EPHA6: variants seen among roughly 807,000 people sequenced by gnomAD.
The protein encoded by EPHA6 is ephrin type-A receptor 6.
Under a neutral mutation model 112.0 loss-of-function variants are expected in EPHA6, and 50 were observed. The ratio of observed to expected loss-of-function variants is 0.45; its 90% CI spans 0.36 to 0.56. EPHA6 has a LOEUF of 0.56. EPHA6 is among the 20% of genes least tolerant of loss of function. The pLI, the probability that EPHA6 is intolerant of heterozygous loss-of-function variation, is 0.00. For synonymous variants in EPHA6, 529 were observed against 490.7 expected, an observed-to-expected ratio of 1.08 and a Z score of -1.03; for missense variants, 1,280 against 1,417.4, an observed-to-expected ratio of 0.90 and a Z score of 1.56.
chr3:97,139,791 C>T (rs907172210), intron 3 of EPHA6, among the ~76,000 whole-genome samples: 1 of 152,164 alleles, frequency 6.6e-6, no homozygotes, highest in African/African-American at 2.4e-5. Context: ...GTTGCGACAC[C>T]CCCAAAGGAT....
At chr3:97,175,740 G>T (rs1377833860) in intron 3 of EPHA6, among the ~76,000 whole-genome samples, 2 of 151,756 alleles carry the variant, frequency 1.3e-5, no homozygotes, top group Non-Finnish European at 3.0e-5. Context: ...TGTTGAATTT[G>T]TATCCTGCAA....
At chr3:97,011,538 A>G (rs1485384519) in intron 3 of EPHA6, among the ~76,000 whole-genome samples, 2 of 152,166 alleles carry the variant, frequency 1.3e-5, no homozygotes, top group Non-Finnish European at 2.9e-5. Flanking sequence ...ATTAGGAGAC[A>G]TTTCTCAAGG....
chr3:97,204,358 A>G (rs1398569079), intron 3 of EPHA6, among the ~76,000 whole-genome samples: 3 of 152,098 alleles, frequency 2.0e-5, no homozygotes, highest in South Asian at 2.1e-4. Flanking sequence ...AGCACTTACC[A>G]TGTACTAGGG....
intron 3 of EPHA6, among the ~76,000 whole-genome samples, chr3:97,170,363 G>T (rs16838422): frequency 0.056 from 8,587 of 152,100 alleles, 825 homozygotes; most frequent in African/African-American, 0.2. Context: ...TACCTGGGGC[G>T]TAATCTGCAG....
chr3:97,004,008 T>G (rs1197188427), intron 3 of EPHA6, among the ~76,000 whole-genome samples: 2 of 152,160 alleles, frequency 1.3e-5, no homozygotes, highest in African/African-American at 4.8e-5. Context: ...TTCCATGGTG[T>G]ATATAGATAC....
At chr3:97,236,063 A>G (rs1235175725) in intron 4 of EPHA6, among the ~76,000 whole-genome samples, 1 of 151,972 alleles carries the variant, frequency 6.6e-6, no homozygotes, top group Non-Finnish European at 1.5e-5. Context: ...CTCATTAAAT[A>G]TATGCTCTGT....
Position 97,557,919 on chromosome 3 carries a change from C to A in EPHA6, c.2386+25376C>A, listed in dbSNP as rs112049878. Among the ~76,000 whole-genome samples the A allele has an allele frequency of 4.9e-3, 752 of 151,922 alleles. 7 individuals are homozygous for A. Among genetic ancestry groups the A allele is most frequent in the African/African-American group, 0.017 (720 of 41,460 alleles). On this transcript the variant is annotated intron_variant, in intron 11 of 17. Coordinates refer to ENST00000389672, the MANE Select transcript of EPHA6 (RefSeq NM_001080448.3). ...TCATCACACATTTTTCATGACTCATCTATTCTTTAGCTATATTTGCTTTCA... is the reference window on the plus strand; with the variant it reads ...TCATCACACATTTTTCATGACTCATATATTCTTTAGCTATATTTGCTTTCA...
chr3:97,178,003 CT>C, intron 3 of EPHA6, among the ~76,000 whole-genome samples: 1 of 151,910 alleles, frequency 6.6e-6, no homozygotes, highest in East Asian at 1.9e-4. Flanking sequence ...ACTTGGTTTT[CT>C]GATTGTTTTG....
chr3:97,215,387 A>G (rs1223415541), intron 3 of EPHA6, among the ~76,000 whole-genome samples: 1 of 152,196 alleles, frequency 6.6e-6, no homozygotes, highest in African/African-American at 2.4e-5. Flanking sequence ...ATACTTCAAT[A>G]TTCTGATTTC....
At chr3:97,103,678 T>C (rs867354596) in intron 3 of EPHA6, among the ~76,000 whole-genome samples, 6 of 152,044 alleles carry the variant, frequency 3.9e-5, no homozygotes, top group South Asian at 2.1e-4. Context: ...ATTGTTGTTC[T>C]GTGAAAATGT....
At chr3:97,235,283 T>G (rs2078647558) in intron 4 of EPHA6, among the ~76,000 whole-genome samples, 1 of 152,100 alleles carries the variant, frequency 6.6e-6, no homozygotes, top group Admixed American at 6.6e-5. Flanking sequence ...ACCTGATGAA[T>G]GAATAACTAA....
At chr3:97,342,105 A>G (rs2108862580) in intron 5 of EPHA6, among the ~76,000 whole-genome samples, 1 of 152,314 alleles carries the variant, frequency 6.6e-6, no homozygotes, top group South Asian at 2.1e-4. Context: ...AATTTGCCTA[A>G]AATTATTATT....
chr3:97,404,974 A>C (rs2087241871), intron 5 of EPHA6, among the ~76,000 whole-genome samples, 176 bp from the exon 6 acceptor site: 2 of 152,208 alleles, frequency 1.3e-5, no homozygotes, highest in African/African-American at 4.8e-5. Flanking sequence ...AAATATATTT[A>C]ATGCCTTATT....
Position 97,757,510 on chromosome 3 carries a change from T to C in EPHA6, c.*8809T>C, listed in dbSNP as rs1453558684. ...AAAATTCAAATAATAATACATTGAATATTGGACTGCCATAGCACTTTAAAC... is the reference window on the plus strand; with the variant it reads ...AAAATTCAAATAATAATACATTGAACATTGGACTGCCATAGCACTTTAAAC... On this transcript the variant is annotated 3_prime_UTR_variant, in exon 18 of 18. Transcript: ENST00000389672. Among the ~76,000 whole-genome samples, 1 of 151,652 alleles carries C rather than the reference T, an allele frequency of 6.6e-6. No individual in the cohort carries two copies. The highest frequency in any genetic ancestry group is 1.5e-5 in the Non-Finnish European group (1 of 67,660).
intron 15 of EPHA6, among the ~76,000 whole-genome samples, chr3:97,734,277 TG>T (rs1452792507): frequency 6.6e-6 from 1 of 152,062 alleles, no homozygotes; most frequent in African/African-American, 2.4e-5. Context: ...ATTTCAATGT[TG>T]TTTTAAAATG....
At chr3:97,391,051 G>A (rs1577209924) in intron 5 of EPHA6, among the ~76,000 whole-genome samples, 1 of 152,044 alleles carries the variant, frequency 6.6e-6, no homozygotes. Flanking sequence ...AATACTGCAT[G>A]TTCAAACTCT....
At chr3:96,969,628 C>A (rs776626124) in intron 2 of EPHA6, among the ~76,000 whole-genome samples, 17 of 151,966 alleles carry the variant, frequency 1.1e-4, no homozygotes, top group South Asian at 2.1e-4. Context: ...TGGTTCTCTG[C>A]AAATTTTATT....
chr3:97,191,155 T>C (rs1391351979), intron 3 of EPHA6, among the ~76,000 whole-genome samples: 1 of 152,056 alleles, frequency 6.6e-6, no homozygotes, highest in African/African-American at 2.4e-5. Context: ...AAATAAACCC[T>C]TCAGTGAAAC....
At chr3:97,648,411 A>G in intron 14 of EPHA6, 1 of 1,514,164 alleles carries the variant, frequency 6.6e-7, no homozygotes, top group Non-Finnish European at 8.8e-7. Context: ...AAAAATAATG[A>G]AGCAGCATGA....
Sources: gnomAD v4.1 joint callset for allele counts (sites outside exome capture counted in the v4.1 genomes callset) on GRCh38, gnomAD v4.1.1 for gene constraint, MANE v1.5 for transcripts, NCBI Gene and HGNC (gene_info 2026-07-23, HGNC 2026-07-21) for gene names.